The following TRPM6 variants were observed in gnomAD, a reference collection of about 807,000 sequenced individuals.
TRPM6 encodes the protein transient receptor potential cation channel subfamily M member 6.
A neutral mutation model predicts 247.6 loss-of-function variants in TRPM6; 111 were observed. The observed-to-expected ratio is 0.45, with a 90% CI of 0.38 to 0.52. The LOEUF (loss-of-function observed/expected upper bound fraction) is 0.52, where lower values mean the gene tolerates loss of function less well. Among genes scored for constraint, TRPM6 ranks in the 20% least tolerant of loss-of-function variants. TRPM6 has a pLI of 0.00. For missense variants in TRPM6, 2,126 were observed against 2,421.5 expected, an observed-to-expected ratio of 0.88 and a Z score of 2.56; for synonymous variants, 892 against 853.8, an observed-to-expected ratio of 1.04 and a Z score of -0.78.
intron 19 of TRPM6, 146 bp from the exon 20 acceptor site, chr9:74,788,888 A>G: frequency 2.2e-6 from 2 of 900,606 alleles, no homozygotes. Context: ...GTTATTGATG[A>G]CCTACTATCA....
intron 2 of TRPM6, among the ~76,000 whole-genome samples, chr9:74,857,027 C>CT (rs1027240048): frequency 5.3e-5 from 8 of 151,480 alleles, no homozygotes; most frequent in East Asian, 3.9e-4. Flanking sequence ...AATTTCATCA[C>CT]TTTTTTTTTG....
At chr9:74,868,301 C>T (rs928603690) in intron 1 of TRPM6, among the ~76,000 whole-genome samples, 2 of 151,636 alleles carry the variant, frequency 1.3e-5, no homozygotes, top group African/African-American at 2.4e-5. Context: ...TTGAGACCAG[C>T]CTGGCCAACA....
intron 25 of TRPM6, among the ~76,000 whole-genome samples, chr9:74,770,289 A>T (rs979192687): frequency 6.6e-6 from 1 of 152,194 alleles, no homozygotes; most frequent in African/African-American, 2.4e-5. Context: ...ATCAGAAAAA[A>T]ACATGCATAA....
intron 32 of TRPM6, 141 bp downstream of exon 32, chr9:74,743,954 G>T: frequency 1.2e-6 from 1 of 831,716 alleles, no homozygotes; most frequent in Non-Finnish European, 2.0e-6. Context: ...AAATTGGAAT[G>T]TTCTTCCCAT....
intron 33 of TRPM6, among the ~76,000 whole-genome samples, chr9:74,741,375 A>C (rs1825858651): frequency 6.6e-6 from 1 of 152,084 alleles, no homozygotes; most frequent in African/African-American, 2.4e-5. Flanking sequence ...TTTACCAAGA[A>C]AGGAATCCAT....
At position 74,732,920 on chromosome 9, in the gene TRPM6, G is replaced by A. The variant is rs184683752; in HGVS notation, c.5777-184C>T. Among the ~76,000 whole-genome samples the A allele has an allele frequency of 3.9e-4, 60 of 152,232 alleles. 1 individual carries two copies. Among genetic ancestry groups the A allele is most frequent in the Middle Eastern group, 6.8e-3 (2 of 294 alleles). ...TGGCAAGTAAAAAATCTGGCTGGGC[G>A]CGGTGGCTCACGCCTGTAATCCCAG... On this transcript the variant is annotated intron_variant, in intron 36 of 38. Transcript: ENST00000360774.
chr9:74,761,772 C>T lies in TRPM6; in HGVS notation c.4709G>A (p.Trp1570Ter). ...SGSSEIGQGAWVKAKMLTKDR... is the reference protein window; with the variant it reads ...SGSSEIGQGA ...TTTGGTTAGCATTTTCGCTTTGACC[C>T]ATGCTCCCTGCCCTATTTCTGAAGA... Residue 1570 changes from tryptophan to a stop codon, truncating the protein, a stop_gained, in exon 27 of 39, where the codon TGG (tryptophan) becomes TAG (stop). Coordinates refer to ENST00000360774, the MANE Select transcript of TRPM6 (RefSeq NM_017662.5). LOFTEE classifies it high-confidence loss of function. The T allele has an allele frequency of 6.2e-7, 1 of 1,614,054 alleles. No homozygotes were observed. The highest frequency in any genetic ancestry group is 8.5e-7 in the Non-Finnish European group (1 of 1,179,972).
chr9:74,851,883 T>C (rs1054738066), intron 3 of TRPM6, among the ~76,000 whole-genome samples: 1 of 151,420 alleles, frequency 6.6e-6, no homozygotes, highest in African/African-American at 2.4e-5. Context: ...CCCAGCACTT[T>C]GGGAGGCCGA....
chr9:74,776,323 C>T (rs1827221101), intron 23 of TRPM6, among the ~76,000 whole-genome samples: 2 of 151,836 alleles, frequency 1.3e-5, no homozygotes, highest in South Asian at 4.2e-4. Context: ...AAAGAAAATG[C>T]CAACATTTTC....
intron 28 of TRPM6, among the ~76,000 whole-genome samples, chr9:74,753,379 T>G (rs1317072914): frequency 1.3e-5 from 2 of 151,604 alleles, no homozygotes; most frequent in Admixed American, 6.6e-5. Context: ...AAAAAAAAAG[T>G]ATACAAGAAG....
At chr9:74,761,432 G>C (rs1826625697) in intron 27 of TRPM6, among the ~76,000 whole-genome samples, 1 of 152,080 alleles carries the variant, frequency 6.6e-6, no homozygotes, top group African/African-American at 2.4e-5. Flanking sequence ...ATTTATATCT[G>C]GGTGTGGTTG....
chr9:74,735,215 C>A (rs1158652867), intron 36 of TRPM6, among the ~76,000 whole-genome samples: 2 of 149,470 alleles, frequency 1.3e-5, no homozygotes, highest in Admixed American at 6.6e-5. Context: ...ACAGTGAGAC[C>A]TTGTCTCAAA....
At chr9:74,764,182 T>C (rs906223705) in intron 25 of TRPM6, among the ~76,000 whole-genome samples, 2 of 152,132 alleles carry the variant, frequency 1.3e-5, no homozygotes, top group Admixed American at 6.6e-5. Context: ...TATTTGTCTG[T>C]ACATTTCTTT....
At chr9:74,818,043 C>A (rs765414555) in intron 9 of TRPM6, among the ~76,000 whole-genome samples, 4 of 152,126 alleles carry the variant, frequency 2.6e-5, no homozygotes, top group African/African-American at 9.7e-5. Flanking sequence ...TCTATGTGCA[C>A]GAATAAAATC....
At chr9:74,726,470 A>G (rs1208007256) in intron 38 of TRPM6, among the ~76,000 whole-genome samples, 1 of 152,194 alleles carries the variant, frequency 6.6e-6, no homozygotes, top group Non-Finnish European at 1.5e-5. Context: ...AGATTGCCCC[A>G]CTACACTCCA....
intron 13 of TRPM6, among the ~76,000 whole-genome samples, chr9:74,809,275 G>A (rs1285106531): frequency 6.6e-6 from 1 of 152,196 alleles, no homozygotes; most frequent in East Asian, 1.9e-4. Flanking sequence ...TAGTCTAAAT[G>A]AAAATTATTT....
At position 74,846,412 on chromosome 9, in the gene TRPM6, C is replaced by T. The variant is rs563116989; in HGVS notation, c.153-4069G>A. On this transcript the variant is annotated intron_variant, in intron 3 of 38. Coordinates refer to ENST00000360774, the MANE Select transcript of TRPM6 (RefSeq NM_017662.5). ...ATATTATTTTAAAGTTCTTGCTATACCTAATTCTCATTTAAAACAATTATA... is the reference window on the plus strand; with the variant it reads ...ATATTATTTTAAAGTTCTTGCTATATCTAATTCTCATTTAAAACAATTATA... Among the ~76,000 whole-genome samples the T allele has an allele frequency of 3.9e-5, 6 of 152,182 alleles. No individual in the cohort carries two copies. In the South Asian group the frequency reaches 8.3e-4, roughly 21 times the overall value.
intron 28 of TRPM6, among the ~76,000 whole-genome samples, chr9:74,753,126 A>AG (rs1554687630): frequency 2.0e-5 from 3 of 151,702 alleles, no homozygotes; most frequent in Non-Finnish European, 2.9e-5. Flanking sequence ...AAAAAAAAAA[A>AG]AAAGAAAGGA....
At chr9:74,836,004 G>A (rs1329934426) in intron 5 of TRPM6, among the ~76,000 whole-genome samples, 1 of 152,034 alleles carries the variant, frequency 6.6e-6, no homozygotes, top group African/African-American at 2.4e-5. Context: ...GTTTACATCA[G>A]TTTACATTAG....
Sources: gnomAD v4.1 joint callset for allele counts (sites outside exome capture counted in the v4.1 genomes callset) on GRCh38, gnomAD v4.1.1 for gene constraint, MANE v1.5 for transcripts, NCBI Gene and HGNC (gene_info 2026-07-23, HGNC 2026-07-21) for gene names.